Variants in USP5 observed in about 807,000 individuals in gnomAD.
The protein encoded by USP5 is ubiquitin specific peptidase 5.
USP5 carries 24 observed loss-of-function variants against 102.5 expected under a neutral mutation model. That is an observed-to-expected ratio of 0.23 (90% CI 0.17 to 0.33). USP5 has a LOEUF of 0.33. USP5 is among the 10% of genes least tolerant of loss of function. The probability of loss-of-function intolerance (pLI) is 1.00; values close to 1 mark genes in which losing one functional copy is unlikely to be tolerated. For synonymous variants in USP5, 460 were observed against 434.8 expected (o/e 1.06, Z -0.72); for missense variants, 753 against 1,122.1 (o/e 0.67, Z 4.70).
At chr12:6,865,635 T>TTTCAC (rs1944422616) in intron 19 of USP5, among the ~76,000 whole-genome samples, 1 of 152,164 alleles carries the variant, frequency 6.6e-6, no homozygotes, top group Non-Finnish European at 1.5e-5. Context: ...TTGTGCCTGT[T>TTTCAC]TTCACGCTGC....
In USP5 at chr12:6,863,262, G is replaced by A. The variant is rs1555129944; in HGVS notation, c.1839G>A (p.Glu613=). The stretch of plus-strand genomic sequence containing the variant: ...CAGGGCTGCAGCCCGGAGAGGAGGA[G>A]CTGCCAGACATTGCCCCACCCCTGG... ...RGTGLQPGEE[E]LPDIAPPLVT... Residue 613 remains glutamate, a synonymous_variant, in exon 15 of 20, where the codon GAG becomes GAA. Transcript: ENST00000229268. This position sits in a 1 kb window ranked among gnomAD's most constrained non-coding sequence, Gnocchi z 4.7. The A allele has an allele frequency of 6.2e-7, 1 of 1,614,206 alleles. No homozygotes were observed. Among genetic ancestry groups the A allele is most frequent in the South Asian group, 1.1e-5 (1 of 91,084 alleles).
chr12:6,860,612 C>G lies in USP5; in HGVS notation c.1344+121C>G, dbSNP rs1289712612. 1 of 1,510,132 alleles carries G rather than the reference C, an allele frequency of 6.6e-7. No individual in the cohort carries two copies. The highest frequency in any genetic ancestry group is 9.0e-7 in the Non-Finnish European group (1 of 1,117,176). 93.5% of individuals were successfully genotyped at this position (1,510,132 alleles called of 1,614,324 possible). A position where few individuals can be genotyped will look rare whatever the true frequency, so the allele number is the denominator to read the frequency against. ...ATCCCTGAACCCCAACAGTCTGTGT[C>G]CCTGTGAACAGTGCTTGCACCTGAG... On this transcript the variant is annotated intron_variant, in intron 11 of 19. Transcript: ENST00000229268. The surrounding 1 kb of genome is among the most constrained non-coding windows in gnomAD (Gnocchi z 5.5).
At position 6,863,534 on chromosome 12, in the gene USP5, G is replaced by A. The variant is rs1944337302; in HGVS notation, c.1954+157G>A. On this transcript the variant is annotated intron_variant, in intron 15 of 19. Transcript: ENST00000229268. The surrounding 1 kb of genome is among the most constrained non-coding windows in gnomAD (Gnocchi z 4.7). ...ATGGGGCCTCCCCAGCGCACTCCTA[G>A]CCACCTTCTGGGTGTGGATGGCAGC... is the stretch of plus-strand genomic sequence containing the variant. Among the ~76,000 whole-genome samples the A allele has an allele frequency of 6.6e-6, 1 of 152,028 alleles. No homozygotes were observed. Among genetic ancestry groups the A allele is most frequent in the African/African-American group, 2.4e-5 (1 of 41,398 alleles).
Position 6,864,465 on chromosome 12 carries a change from G to A in USP5, c.2245-257G>A, listed in dbSNP as rs113561440. 2.0e-5 allele frequency among the ~76,000 whole-genome samples: 3 copies of A among 152,280 alleles called. No individual in the cohort carries two copies. Among genetic ancestry groups the A allele is most frequent in the South Asian group, 2.1e-4 (1 of 4,828 alleles). ...AGCACTTTGGGAGGGTGAGGTGGGC[G>A]GATCACGCGGTCAGCAGATCAAGAC... On this transcript the variant is annotated intron_variant, in intron 17 of 19. Coordinates refer to ENST00000229268, the MANE Select transcript of USP5 (RefSeq NM_001098536.2). This position sits in a 1 kb window ranked among gnomAD's most constrained non-coding sequence, Gnocchi z 4.8.
In USP5 at chr12:6,855,468, G is replaced by C; in HGVS notation, c.179G>C (p.Arg60Thr). Reference sequence around the variant, plus strand: ...GGCTTTGGGAAACAGTATGTGGAGAGACATTTCAATAAGACCGGCCAGCGA... The same window carrying C: ...GGCTTTGGGAAACAGTATGTGGAGACACATTTCAATAAGACCGGCCAGCGA... ...FLGFGKQYVE[R>T]HFNKTGQRVY... The change falls in exon 2 of 20, where the codon AGA becomes ACA. Residue 60 changes from arginine (R) to threonine (T), a missense_variant. Transcript: ENST00000229268. The surrounding 1 kb of genome is among the most constrained non-coding windows in gnomAD (Gnocchi z 4.6). The C allele has an allele frequency of 2.5e-6, 4 of 1,614,208 alleles. No homozygotes were observed. The highest frequency in any genetic ancestry group is 3.4e-6 in the Non-Finnish European group (4 of 1,180,028).
At position 6,863,388 on chromosome 12, in the gene USP5, C is replaced by A. The variant is rs184495101; in HGVS notation, c.1954+11C>A. 1.4e-5 allele frequency: 22 copies of A among 1,610,870 alleles called. No individual in the cohort carries two copies. The highest frequency in any genetic ancestry group is 6.7e-5 in the Admixed American group (4 of 59,856). ...TCTCCTCTCCGACATGTTAGTGACTCTTCTTCCTGCCTGTCTCTCTCCCGT... is the reference window on the plus strand; with the variant it reads ...TCTCCTCTCCGACATGTTAGTGACTATTCTTCCTGCCTGTCTCTCTCCCGT... On this transcript the variant is annotated intron_variant, in intron 15 of 19. Coordinates refer to ENST00000229268, the MANE Select transcript of USP5 (RefSeq NM_001098536.2). The surrounding 1 kb of genome is among the most constrained non-coding windows in gnomAD (Gnocchi z 4.7).
intron 18 of USP5, 121 bp from the exon 19 acceptor site, chr12:6,865,043 G>A (rs1591612161): frequency 2.3e-6 from 3 of 1,292,402 alleles, no homozygotes; most frequent in Admixed American, 4.1e-5. Flanking sequence ...CTCTGGCCCA[G>A]TACCTGCCTC....
At position 6,864,728 on chromosome 12, in the gene USP5, A is replaced by G; in HGVS notation, c.2251A>G (p.Ser751Gly). The G allele has an allele frequency of 1.2e-6, 2 of 1,609,084 alleles. No homozygotes were observed. Among genetic ancestry groups the G allele is most frequent in the Middle Eastern group, 1.7e-4 (1 of 6,058 alleles). ...ALKALRATNN[S>G]LERAVDWIFS... ...TGCTTCCTTCCTCTCCAAGAACAAT[A>G]GTTTAGAACGGGCTGTGGACTGGAT... The change falls in exon 18 of 20, where the codon AGT (serine) becomes GGT (glycine). Residue 751 changes from serine to glycine, a missense_variant. Around this residue, in one of 3 missense-constraint regions of USP5, gnomAD observed 193 missense variants for 230.2 expected, o/e 0.84. Coordinates refer to ENST00000229268, the MANE Select transcript of USP5 (RefSeq NM_001098536.2). The surrounding 1 kb of genome is among the most constrained non-coding windows in gnomAD (Gnocchi z 4.8).
At chr12:6,857,888 G>A (rs1944167217) in intron 7 of USP5, among the ~76,000 whole-genome samples, 165 bp downstream of exon 7, 1 of 152,230 alleles carries the variant, frequency 6.6e-6, no homozygotes. Flanking sequence ...TCAGTGAATA[G>A]TACTGAGTAC....
In USP5 at chr12:6,857,733, C is replaced by T. The variant is rs1944160170; in HGVS notation, c.864+10C>T. 6.2e-7 allele frequency: 1 copy of T among 1,613,780 alleles called. No individual in the cohort carries two copies. The highest frequency in any genetic ancestry group is 1.3e-5 in the African/African-American group (1 of 74,936). On this transcript the variant is annotated intron_variant, in intron 7 of 19. Transcript: ENST00000229268. ...GCTGAAGATGCAGAAGGTGAGACCC[C>T]CTTCAACTTCAGATTCTTCTACTTC...
In USP5 at chr12:6,863,776, G is replaced by A. The variant is rs1191687368; in HGVS notation, c.1955-54G>A. The A allele has an allele frequency of 1.7e-5, 25 of 1,513,638 alleles. No homozygotes were observed. Among genetic ancestry groups the A allele is most frequent in the Non-Finnish European group, 1.9e-5 (22 of 1,128,498 alleles). The allele number at this position is 1,513,638 out of a possible 1,614,324, so 93.8% of individuals were successfully genotyped here. Reference sequence around the variant, plus strand: ...GGGCTGGGTCCTGGGGGAGGGAGGAGGAGCAAACAGTGGCCCAATCAGTCG... The same window carrying A: ...GGGCTGGGTCCTGGGGGAGGGAGGAAGAGCAAACAGTGGCCCAATCAGTCG... On this transcript the variant is annotated intron_variant, in intron 15 of 19. Transcript: ENST00000229268. This position sits in a 1 kb window ranked among gnomAD's most constrained non-coding sequence, Gnocchi z 4.7.
In USP5 at chr12:6,856,334, G is replaced by A. The variant is rs373122898; in HGVS notation, c.468G>A (p.Ser156=). 116 of 1,613,580 alleles carry A rather than the reference G, an allele frequency of 7.2e-5. 1 individual carries two copies. Among genetic ancestry groups the A allele is most frequent in the South Asian group, 2.5e-4 (23 of 91,052 alleles). ...RVTSAVEALL[S]ADSASRKQEV... ...CCAGTGCAGTGGAGGCCCTACTGTC[G>A]GCCGACTCAGCCTCCCGCAAGCAGG... Residue 156 remains serine, a synonymous_variant, in exon 5 of 20, where the codon TCG becomes TCA. Transcript: ENST00000229268. The surrounding 1 kb of genome is among the most constrained non-coding windows in gnomAD (Gnocchi z 5.6).
chr12:6,863,155 G>C lies in USP5; in HGVS notation c.1763-31G>C. 1 of 1,582,060 alleles carries C rather than the reference G, an allele frequency of 6.3e-7. No individual in the cohort carries two copies. The highest frequency in any genetic ancestry group is 2.2e-5 in the East Asian group (1 of 44,516). ...CGAATCACTTTCCAGGTAGGCCTCC[G>C]GGAGCTGCTGAGGTGACCCTTTTCC... On this transcript the variant is annotated intron_variant, in intron 14 of 19. Coordinates refer to ENST00000229268, the MANE Select transcript of USP5 (RefSeq NM_001098536.2). This position sits in a 1 kb window ranked among gnomAD's most constrained non-coding sequence, Gnocchi z 4.7.
rs978362358 is a variant in USP5 at position 6,861,930 on chromosome 12, A to C, written c.1673+313A>C. On this transcript the variant is annotated intron_variant, in intron 13 of 19. Transcript: ENST00000229268. This position sits in a 1 kb window ranked among gnomAD's most constrained non-coding sequence, Gnocchi z 4.9. The stretch of plus-strand genomic sequence containing the variant: ...GGCACTTAGGATCAGCTGTGGGCAG[A>C]ATTTGGATTTCCAGCAAATAGCCAC... Among the ~76,000 whole-genome samples the C allele has an allele frequency of 5.3e-5, 8 of 152,028 alleles. No homozygotes were observed. The highest frequency in any genetic ancestry group is 1.0e-4 in the Non-Finnish European group (7 of 68,002).
intron 19 of USP5, among the ~76,000 whole-genome samples, 183 bp from the exon 20 acceptor site, chr12:6,865,799 TAA>T (rs1944428340): frequency 6.6e-6 from 1 of 152,054 alleles, no homozygotes; most frequent in Non-Finnish European, 1.5e-5. Flanking sequence ...TCTGAAGACA[TAA>T]TAGGGTCCGT....
chr12:6,855,598 C>A lies in USP5; in HGVS notation c.237+72C>A. 1 of 1,591,496 alleles carries A rather than the reference C, an allele frequency of 6.3e-7. No individual in the cohort carries two copies. ...TCTGACCTCCTATTGGACTCAGTTT[C>A]TTTTTTTCACCTACTTTTGTGTCAT... On this transcript the variant is annotated intron_variant, in intron 2 of 19. Transcript: ENST00000229268. This position sits in a 1 kb window ranked among gnomAD's most constrained non-coding sequence, Gnocchi z 4.6.
At position 6,860,074 on chromosome 12, in the gene USP5, C is replaced by T. The variant is rs782499384; in HGVS notation, c.1131-77C>T. The T allele has an allele frequency of 1.2e-5, 18 of 1,522,542 alleles. No homozygotes were observed. The highest frequency in any genetic ancestry group is 2.1e-5 in the Admixed American group (1 of 48,414). The allele number at this position is 1,522,542 out of a possible 1,614,324, so 94.3% of individuals were successfully genotyped here. ...GTTGAGAGTTAGCTAGGGAGAGCCACGAGCAGGGGGTTGAGCTGGGGACAC... is the reference window on the plus strand; with the variant it reads ...GTTGAGAGTTAGCTAGGGAGAGCCATGAGCAGGGGGTTGAGCTGGGGACAC... On this transcript the variant is annotated intron_variant, in intron 9 of 19. Transcript: ENST00000229268. This position sits in a 1 kb window ranked among gnomAD's most constrained non-coding sequence, Gnocchi z 5.5.
Position 6,864,861 on chromosome 12 carries a change from G to A in USP5, c.2384G>A (p.Arg795Gln), listed in dbSNP as rs1565534586. Reference sequence around the variant, plus strand: ...TCTGTGCCAGTGGGACCTAAAGTCCGGGATGGTCCTGGAAGTGAGTATCCC... The same window carrying A: ...TCTGTGCCAGTGGGACCTAAAGTCCAGGATGGTCCTGGAAGTGAGTATCCC... ...SESVPVGPKV[R>Q]DGPGKYQLFA... is the part of the protein sequence containing the mutation. Residue 795 changes from arginine to glutamine, a missense_variant, in exon 18 of 20, where the codon CGG becomes CAG. Physicochemically the swap from Arg to Gln is conservative, Grantham distance 43. Coordinates refer to ENST00000229268, the MANE Select transcript of USP5 (RefSeq NM_001098536.2). This position sits in a 1 kb window ranked among gnomAD's most constrained non-coding sequence, Gnocchi z 4.8. The A allele has an allele frequency of 6.2e-7, 1 of 1,613,584 alleles. No individual in the cohort carries two copies. The highest frequency in any genetic ancestry group is 8.5e-7 in the Non-Finnish European group (1 of 1,179,970).
At position 6,861,549 on chromosome 12, in the gene USP5, C is replaced by G. The variant is rs782583921; in HGVS notation, c.1605C>G (p.Ala535=). 3.7e-6 allele frequency: 6 copies of G among 1,601,052 alleles called. No homozygotes were observed. Among genetic ancestry groups the G allele is most frequent in the Non-Finnish European group, 4.3e-6 (5 of 1,169,636 alleles). Residue 535 remains alanine (A), a synonymous_variant, in exon 13 of 20, where the codon GCC becomes GCG. Coordinates refer to ENST00000229268, the MANE Select transcript of USP5 (RefSeq NM_001098536.2). The surrounding 1 kb of genome is among the most constrained non-coding windows in gnomAD (Gnocchi z 4.9). The part of the protein sequence containing the change: ...AQVPFSSCLE[A]YGAPEQVDDF... Reference sequence around the variant, plus strand: ...TGCCCTTCAGCTCTTGCCTGGAGGCCTACGGGGCCCCTGAGCAGGTCGATG... The same window carrying G: ...TGCCCTTCAGCTCTTGCCTGGAGGCGTACGGGGCCCCTGAGCAGGTCGATG...
Sources: allele counts gnomAD v4.1 joint callset (sites outside exome capture counted in the v4.1 genomes callset), GRCh38; gene constraint gnomAD v4.1.1; regional missense constraint gnomAD v4.1.1; non-coding constraint Gnocchi (gnomAD v3.1); transcripts MANE v1.5; gene names NCBI Gene and HGNC (gene_info 2026-07-23, HGNC 2026-07-21).